Variants in PTPRK observed in about 807,000 individuals in gnomAD.
The protein encoded by PTPRK is protein tyrosine phosphatase receptor type K.
A neutral mutation model predicts 178.0 loss-of-function variants in PTPRK; 75 were observed. That is an observed-to-expected ratio of 0.42 (90% CI 0.35 to 0.51). The LOEUF is 0.51. Ranked by LOEUF, PTPRK falls within the 20% of genes least tolerant of loss-of-function variation. PTPRK has a pLI of 0.02. For synonymous variants in PTPRK, 637 were observed against 620.6 expected (o/e 1.03, Z -0.39); for missense variants, 1,441 against 1,797.8 (o/e 0.80, Z 3.59).
At chr6:128,203,675 T>C (rs892011577) in intron 6 of PTPRK, among the ~76,000 whole-genome samples, 86 of 152,174 alleles carry the variant, frequency 5.7e-4, no homozygotes, top group Middle Eastern at 3.4e-3. Flanking sequence ...CCATTCACAA[T>C]TGCTACAAAG....
intron 7 of PTPRK, among the ~76,000 whole-genome samples, chr6:128,166,221 T>C (rs1204276802): frequency 6.6e-6 from 1 of 151,732 alleles, no homozygotes; most frequent in African/African-American, 2.4e-5. Flanking sequence ...CACTTTATCC[T>C]TGAACCAAGC....
At position 128,067,499 on chromosome 6, in the gene PTPRK, A is replaced by G. The variant is rs1194417666; in HGVS notation, c.2157+20T>C. The G allele has an allele frequency of 4.1e-6, 6 of 1,468,300 alleles. No homozygotes were observed. The highest frequency in any genetic ancestry group is 5.4e-6 in the Non-Finnish European group (6 of 1,101,786). The allele number at this position is 1,468,300 out of a possible 1,614,324, so 91.0% of individuals were successfully genotyped here. ...CTTTTCTTCAAAGCAGGGAAAAAGC[A>G]AATCCTGGAGGAAGCTCACCTTCTC... On this transcript the variant is annotated intron_variant, in intron 12 of 29. Coordinates refer to ENST00000368226, the MANE Select transcript of PTPRK (RefSeq NM_002844.4).
chr6:128,142,219 G>C (rs1316173191), intron 7 of PTPRK, among the ~76,000 whole-genome samples: 1 of 151,944 alleles, frequency 6.6e-6, no homozygotes, highest in African/African-American at 2.4e-5. Context: ...GAATCAGAGA[G>C]CAGAAGCCTT....
At chr6:128,197,176 GTTTTTTTCTTTT>G (rs1219583796) in intron 6 of PTPRK, among the ~76,000 whole-genome samples, 1 of 82,084 alleles carries the variant, frequency 1.2e-5, no homozygotes, top group Admixed American at 1.8e-4. Flanking sequence ...AATCTCTTTT[GTTTTTTTCTTTT>G]TTTTTTTTTT....
At chr6:128,237,274 G>T (rs1813466655) in intron 5 of PTPRK, among the ~76,000 whole-genome samples, 3 of 152,156 alleles carry the variant, frequency 2.0e-5, no homozygotes, top group African/African-American at 7.2e-5. Context: ...ATATAAAGTT[G>T]ATTGCCATTT....
At chr6:128,279,323 C>T (rs531403978) in intron 3 of PTPRK, among the ~76,000 whole-genome samples, 1 of 151,972 alleles carries the variant, frequency 6.6e-6, no homozygotes, top group East Asian at 1.9e-4. Context: ...CATAAGTCAG[C>T]CCCTAGATTA....
chr6:128,511,907 C>T (rs562869205), intron 1 of PTPRK, among the ~76,000 whole-genome samples: 12 of 152,298 alleles, frequency 7.9e-5, no homozygotes, highest in South Asian at 2.1e-4. Context: ...ACACTGATCA[C>T]AGGCCCTAGC....
At chr6:128,166,345 T>C (rs560103761) in intron 7 of PTPRK, among the ~76,000 whole-genome samples, 1 of 151,814 alleles carries the variant, frequency 6.6e-6, no homozygotes, top group East Asian at 1.9e-4. Flanking sequence ...AATAAGAGCA[T>C]AGATTTTGGA....
At chr6:128,079,696 C>T (rs2114989991) in intron 10 of PTPRK, among the ~76,000 whole-genome samples, 1 of 151,872 alleles carries the variant, frequency 6.6e-6, no homozygotes, top group East Asian at 1.9e-4. Context: ...ATACTATGTG[C>T]CAAGTTTTAT....
chr6:128,468,199 G>A (rs1054235379), intron 1 of PTPRK, among the ~76,000 whole-genome samples: 1 of 152,170 alleles, frequency 6.6e-6, no homozygotes, highest in Non-Finnish European at 1.5e-5. Context: ...ATGATGGAGA[G>A]GGCAACACTT....
At chr6:128,074,646 C>T (rs1352896148) in intron 11 of PTPRK, among the ~76,000 whole-genome samples, 3 of 151,968 alleles carry the variant, frequency 2.0e-5, no homozygotes. Context: ...AGTCAGGCAA[C>T]AATGTTCAGT....
intron 3 of PTPRK, among the ~76,000 whole-genome samples, chr6:128,279,637 C>G (rs1821361138): frequency 6.6e-6 from 1 of 152,146 alleles, no homozygotes; most frequent in Non-Finnish European, 1.5e-5. Flanking sequence ...TACCAAGTGT[C>G]TTTTGAAGCA....
Position 128,276,747 on chromosome 6 carries a change from C to A in PTPRK, c.496-34145G>T, listed in dbSNP as rs562790181. Among the ~76,000 whole-genome samples the A allele has an allele frequency of 3.3e-5, 5 of 152,182 alleles. No individual in the cohort carries two copies. In the East Asian group the frequency reaches 7.7e-4, roughly 24 times the overall value. On this transcript the variant is annotated intron_variant, in intron 3 of 29. Coordinates refer to ENST00000368226, the MANE Select transcript of PTPRK (RefSeq NM_002844.4). Reference sequence around the variant, plus strand: ...AAGAAACATAGAAGGAGTTGCGTATCTTTCAAATAATGTTCCCCAAATATT... The same window carrying A: ...AAGAAACATAGAAGGAGTTGCGTATATTTCAAATAATGTTCCCCAAATATT...
intron 12 of PTPRK, 124 bp downstream of exon 12, chr6:128,067,395 A>G: frequency 9.0e-7 from 1 of 1,113,850 alleles, no homozygotes; most frequent in African/African-American, 1.6e-5. Context: ...TGAGAACAGA[A>G]CCCCCTACAT....
chr6:128,169,100 G>A (rs979073577), intron 7 of PTPRK, among the ~76,000 whole-genome samples: 1 of 152,040 alleles, frequency 6.6e-6, no homozygotes, highest in Non-Finnish European at 1.5e-5. Flanking sequence ...TACATTTGCA[G>A]TCAGGTTAGG....
chr6:128,385,481 A>C (rs1003771158), intron 2 of PTPRK, among the ~76,000 whole-genome samples: 8 of 152,192 alleles, frequency 5.3e-5, no homozygotes, highest in Non-Finnish European at 8.8e-5. Context: ...AATGTGTCCA[A>C]AATAATTCAA....
At chr6:128,452,647 C>G (rs1246981094) in intron 1 of PTPRK, among the ~76,000 whole-genome samples, 1 of 152,060 alleles carries the variant, frequency 6.6e-6, no homozygotes, top group Non-Finnish European at 1.5e-5. Flanking sequence ...CTGAACTGAT[C>G]ATGATTAGTC....
chr6:128,348,239 G>T (rs928634555), intron 2 of PTPRK, among the ~76,000 whole-genome samples: 1 of 151,574 alleles, frequency 6.6e-6, no homozygotes, highest in East Asian at 1.9e-4. Context: ...ATGAAAGAAC[G>T]CAATATTAAG....
intron 3 of PTPRK, among the ~76,000 whole-genome samples, chr6:128,256,152 C>T (rs980472422): frequency 6.6e-6 from 1 of 152,098 alleles, no homozygotes; most frequent in African/African-American, 2.4e-5. Context: ...AAGAGATAAG[C>T]ATGGTAGGAA....
Sources: allele counts gnomAD v4.1 joint callset (sites outside exome capture counted in the v4.1 genomes callset), GRCh38; gene constraint gnomAD v4.1.1; transcripts MANE v1.5; gene names NCBI Gene and HGNC (gene_info 2026-07-23, HGNC 2026-07-21).